The following NXPH1 variants were observed in gnomAD, a reference collection of about 807,000 sequenced individuals.
NXPH1 encodes the protein neurexophilin 1.
NXPH1 carries 5 observed loss-of-function variants against 23.7 expected under a neutral mutation model. The observed-to-expected ratio is 0.21, with a 90% CI of 0.11 to 0.44. The LOEUF (loss-of-function observed/expected upper bound fraction) is 0.44. Ranked by LOEUF, NXPH1 falls within the 20% of genes least tolerant of loss-of-function variation. The pLI, the probability that NXPH1 is intolerant of heterozygous loss-of-function variation, is 0.99. For missense variants in NXPH1, 324 were observed against 321.6 expected (o/e 1.01, Z -0.06); for synonymous variants, 144 against 122.2 (o/e 1.18, Z -1.18).
chr7:8,457,448 C>T (rs1327464152), intron 2 of NXPH1, among the ~76,000 whole-genome samples: 1 of 152,060 alleles, frequency 6.6e-6, no homozygotes, highest in African/African-American at 2.4e-5. Flanking sequence ...GCCTGGAGGC[C>T]CACATTCTTA....
In NXPH1 at chr7:8,483,888, G is replaced by A. The variant is rs567290803; in HGVS notation, c.54+48121G>A. 4.6e-5 allele frequency among the ~76,000 whole-genome samples: 7 copies of A among 151,016 alleles called. No homozygotes were observed. In the East Asian group the frequency reaches 1.4e-3, roughly 29 times the overall value. Reference sequence around the variant, plus strand: ...GCCTTTATTAACTTTCCTTTTATATGGTGGAAATAACTGGAAATTTATGGC... The same window carrying A: ...GCCTTTATTAACTTTCCTTTTATATAGTGGAAATAACTGGAAATTTATGGC... On this transcript the variant is annotated intron_variant, in intron 2 of 2. Coordinates refer to ENST00000405863, the MANE Select transcript of NXPH1 (RefSeq NM_152745.3).
chr7:8,678,773 A>G (rs4637726), intron 2 of NXPH1, among the ~76,000 whole-genome samples: 18,166 of 146,468 alleles, frequency 0.12, 1,499 homozygotes, highest in Middle Eastern at 0.23. Context: ...ACTCCTAGGG[A>G]AAAAAAAAAT....
chr7:8,615,164 C>T (rs961513138), intron 2 of NXPH1, among the ~76,000 whole-genome samples: 2 of 152,002 alleles, frequency 1.3e-5, no homozygotes, highest in Non-Finnish European at 2.9e-5. Context: ...AGGAATTCAT[C>T]TGCATTTGAG....
At chr7:8,461,759 G>A (rs1460619156) in intron 2 of NXPH1, among the ~76,000 whole-genome samples, 8 of 147,742 alleles carry the variant, frequency 5.4e-5, no homozygotes, top group African/African-American at 1.0e-4. Flanking sequence ...GAACCCGGGA[G>A]GCGGAGCTTG....
intron 2 of NXPH1, among the ~76,000 whole-genome samples, chr7:8,630,152 A>G (rs905500359): frequency 6.6e-6 from 1 of 152,110 alleles, no homozygotes; most frequent in African/African-American, 2.4e-5. Flanking sequence ...TACTATGATA[A>G]TAGATGCCAT....
intron 2 of NXPH1, among the ~76,000 whole-genome samples, chr7:8,731,530 C>A (rs1780153665): frequency 6.6e-6 from 1 of 152,098 alleles, no homozygotes; most frequent in Admixed American, 6.6e-5. Context: ...GTGTGGATGT[C>A]CTTTCTGTTT....
At chr7:8,651,087 G>T (rs1487603437) in intron 2 of NXPH1, among the ~76,000 whole-genome samples, 1 of 149,826 alleles carries the variant, frequency 6.7e-6, no homozygotes, top group African/African-American at 2.4e-5. Flanking sequence ...TCGTCATCTA[G>T]CATTAGGTAT....
chr7:8,471,970 T>C (rs188313961), intron 2 of NXPH1, among the ~76,000 whole-genome samples: 245 of 151,908 alleles, frequency 1.6e-3, no homozygotes, highest in African/African-American at 5.6e-3. Context: ...TTATTATTTT[T>C]TTGATATCCT....
intron 2 of NXPH1, among the ~76,000 whole-genome samples, chr7:8,487,318 T>G (rs1272317719): frequency 2.0e-5 from 3 of 152,154 alleles, no homozygotes; most frequent in Non-Finnish European, 4.4e-5. Flanking sequence ...GTTCTTATGA[T>G]AGTGAATAAG....
In NXPH1 at chr7:8,751,665, A is replaced by C; in HGVS notation, c.712A>C (p.Ile238Leu). ...SWLCSKPFKV[I>L]CIYISFYSTD... Reference sequence around the variant, plus strand: ...GCTCTGCTCCAAGCCCTTTAAGGTGATCTGTATTTACATTTCCTTTTATAG... The same window carrying C: ...GCTCTGCTCCAAGCCCTTTAAGGTGCTCTGTATTTACATTTCCTTTTATAG... The change falls in exon 3 of 3, where the codon ATC becomes CTC. Residue 238 changes from isoleucine (I) to leucine (L), a missense_variant. Coordinates refer to ENST00000405863, the MANE Select transcript of NXPH1 (RefSeq NM_152745.3). This position sits in a 1 kb window ranked among gnomAD's most constrained non-coding sequence, Gnocchi z 4.5. 1 of 1,613,208 alleles carries C rather than the reference A, an allele frequency of 6.2e-7. No homozygotes were observed. The highest frequency in any genetic ancestry group is 8.5e-7 in the Non-Finnish European group (1 of 1,179,558).
intron 2 of NXPH1, among the ~76,000 whole-genome samples, chr7:8,720,547 C>T (rs1030677366): frequency 6.6e-6 from 1 of 152,058 alleles, no homozygotes; most frequent in African/African-American, 2.4e-5. Flanking sequence ...TTAGTAAATC[C>T]AGCAAATGGA....
chr7:8,635,973 T>C (rs1205696022), intron 2 of NXPH1, among the ~76,000 whole-genome samples: 3 of 152,170 alleles, frequency 2.0e-5, no homozygotes, highest in African/African-American at 7.2e-5. Flanking sequence ...TGCTTAAAGG[T>C]AATGTCTTTC....
rs1371570930 is a variant in NXPH1, at chr7:8,433,985, T to A, written c.-881T>A. ...ATTGTCCGTGTCAGGAAGGTAGGCG[T>A]GCCAAGCCGCGGCTCTGCGGAGAAA... is the stretch of plus-strand genomic sequence containing the variant. On this transcript the variant is annotated 5_prime_UTR_variant, in exon 1 of 3. Coordinates refer to ENST00000405863, the MANE Select transcript of NXPH1 (RefSeq NM_152745.3). This position sits in a 1 kb window ranked among gnomAD's most constrained non-coding sequence, Gnocchi z 6.8. 6.6e-6 allele frequency: 1 copy of A among 152,232 alleles called. No homozygotes were observed. The highest frequency in any genetic ancestry group is 1.5e-5 in the Non-Finnish European group (1 of 68,100). The allele number at this position is 152,232 out of a possible 1,614,324, so 9.4% of individuals were successfully genotyped here.
intron 2 of NXPH1, among the ~76,000 whole-genome samples, chr7:8,564,542 C>T (rs1818506716): frequency 6.6e-6 from 1 of 151,758 alleles, no homozygotes; most frequent in Non-Finnish European, 1.5e-5. Flanking sequence ...CTGAGGGATC[C>T]TGGCTGCCAT....
At chr7:8,490,111 G>A (rs1251157670) in intron 2 of NXPH1, among the ~76,000 whole-genome samples, 1 of 151,966 alleles carries the variant, frequency 6.6e-6, no homozygotes, top group Non-Finnish European at 1.5e-5. Context: ...ATCCTCTCAA[G>A]GCATGTGCTT....
At chr7:8,445,697 G>A (rs1441524473) in intron 2 of NXPH1, among the ~76,000 whole-genome samples, 3 of 152,144 alleles carry the variant, frequency 2.0e-5, no homozygotes, top group African/African-American at 7.2e-5. Context: ...ACAAAGCAAA[G>A]CAAGGTTATA....
chr7:8,577,501 A>C (rs1320745680), intron 2 of NXPH1, among the ~76,000 whole-genome samples: 3 of 152,166 alleles, frequency 2.0e-5, no homozygotes, highest in Non-Finnish European at 2.9e-5. Context: ...TACATCAAAA[A>C]CTACCATTTG....
rs527240599 is a variant in NXPH1 at position 8,680,465 on chromosome 7, C to T, written c.55-70543C>T. ...AGATTGCATTGAGAAAAACAAATCT[C>T]GTGTCTTATAGATTATTTCTCCAAA... is the stretch of plus-strand genomic sequence containing the variant. On this transcript the variant is annotated intron_variant, in intron 2 of 2. Transcript: ENST00000405863. Among the ~76,000 whole-genome samples the T allele has an allele frequency of 3.9e-5, 6 of 152,210 alleles. No individual in the cohort carries two copies. In the East Asian group the frequency reaches 5.8e-4, roughly 15 times the overall value.
At chr7:8,438,152 G>T (rs1024555555) in intron 2 of NXPH1, among the ~76,000 whole-genome samples, 3 of 152,188 alleles carry the variant, frequency 2.0e-5, no homozygotes, top group Admixed American at 6.5e-5. Flanking sequence ...CAGTCATTTC[G>T]GGATGGTTTT....
Sources: gnomAD v4.1 joint callset for allele counts (sites outside exome capture counted in the v4.1 genomes callset) on GRCh38, gnomAD v4.1.1 for gene constraint, Gnocchi (gnomAD v3.1) non-coding constraint, MANE v1.5 for transcripts, NCBI Gene and HGNC (gene_info 2026-07-23, HGNC 2026-07-21) for gene names.